Variants in ZYG11B observed in about 807,000 individuals in gnomAD.
ZYG11B encodes zyg-11 family member B, cell cycle regulator.
A neutral mutation model predicts 82.4 loss-of-function variants in ZYG11B; 36 were observed. That is an observed-to-expected ratio of 0.44 (90% CI 0.33 to 0.58). The LOEUF is 0.58. Among genes scored for constraint, ZYG11B ranks in the 20% least tolerant of loss-of-function variants. The probability of loss-of-function intolerance (pLI) is 0.02; values close to 1 mark genes in which losing one functional copy is unlikely to be tolerated. For missense variants in ZYG11B, 552 were observed against 895.6 expected (o/e 0.62, Z 4.90); for synonymous variants, 303 against 312.8 (o/e 0.97, Z 0.33).
rs1645287209 is a variant in ZYG11B at position 52,821,877 on chromosome 1, G to A, written c.*248G>A. On this transcript the variant is annotated 3_prime_UTR_variant, in exon 14 of 14. Coordinates refer to ENST00000294353, the MANE Select transcript of ZYG11B (RefSeq NM_024646.3). ...TAGGAAATTTTCCACATCTTTCAGT[G>A]TTTGAACTTACTTGTGCTTGAGATT... The A allele has an allele frequency of 2.8e-6, 1 of 354,514 alleles. No homozygotes were observed. The highest frequency in any genetic ancestry group is 5.1e-6 in the Non-Finnish European group (1 of 197,856). 22.0% of individuals were successfully genotyped at this position (354,514 alleles called of 1,614,324 possible). A position where few individuals can be genotyped will look rare whatever the true frequency, so the allele number is the denominator to read the frequency against.
At chr1:52,744,562 G>T (rs185562956) in intron 1 of ZYG11B, among the ~76,000 whole-genome samples, 1 of 152,310 alleles carries the variant, frequency 6.6e-6, no homozygotes, top group Admixed American at 6.5e-5. Context: ...CTAGAGAAGG[G>T]CTGGGTACGC....
At chr1:52,817,958 C>T (rs1271712284) in intron 13 of ZYG11B, among the ~76,000 whole-genome samples, 1 of 147,528 alleles carries the variant, frequency 6.8e-6, no homozygotes, top group Non-Finnish European at 1.5e-5. Flanking sequence ...TTGCCTCAAC[C>T]TCCAGAGTAG....
intron 3 of ZYG11B, among the ~76,000 whole-genome samples, chr1:52,776,854 C>T (rs1644814961): frequency 6.6e-6 from 1 of 151,820 alleles, no homozygotes; most frequent in Non-Finnish European, 1.5e-5. Flanking sequence ...AATATGTAGT[C>T]CAAACCAGTT....
chr1:52,825,455 G>A lies in ZYG11B; in HGVS notation c.*3826G>A, dbSNP rs1432135069. 6.6e-6 allele frequency: 1 copy of A among 152,050 alleles called. No individual in the cohort carries two copies. The highest frequency in any genetic ancestry group is 1.5e-5 in the Non-Finnish European group (1 of 68,012). The allele number at this position is 152,050 out of a possible 1,614,324, so 9.4% of individuals were successfully genotyped here. On this transcript the variant is annotated 3_prime_UTR_variant, in exon 14 of 14. Coordinates refer to ENST00000294353, the MANE Select transcript of ZYG11B (RefSeq NM_024646.3). ...CTTATAGTGGCACTAGTCACCTTAA[G>A]TAGATTACACATGGTTGAGGTGAAT...
intron 3 of ZYG11B, among the ~76,000 whole-genome samples, chr1:52,778,250 G>A (rs568447893): frequency 1.5e-4 from 23 of 151,970 alleles, no homozygotes; most frequent in South Asian, 1.0e-3. Context: ...ATAATCTATC[G>A]TTTGGATTTG....
At chr1:52,802,228 A>G in intron 10 of ZYG11B, 89 bp downstream of exon 10, 1 of 1,277,636 alleles carries the variant, frequency 7.8e-7, no homozygotes. Context: ...CTGCAGTGGC[A>G]GTATCATAGC....
rs1171151695 is a variant in ZYG11B at position 52,802,098 on chromosome 1, C to T, written c.1654C>T (p.Pro552Ser). ...ELFMRVLESF[P>S]TESSIQQKVL... ...TTTCTTTTTCTTTTTACAGTCTTTC[C>T]CAACTGAGTCATCCATTCAGCAGAA... Residue 552 changes from proline to serine, a missense_variant, in exon 10 of 14, where the codon CCA becomes TCA. Around this residue, in one of 3 missense-constraint regions of ZYG11B, gnomAD observed 66 missense variants for 176.4 expected, o/e 0.37. Transcript: ENST00000294353. The T allele has an allele frequency of 9.3e-6, 15 of 1,609,736 alleles. No individual in the cohort carries two copies. Among genetic ancestry groups the T allele is most frequent in the Non-Finnish European group, 1.3e-5 (15 of 1,178,856 alleles).
At position 52,803,123 on chromosome 1, in the gene ZYG11B, CATATATATAT is replaced by C. The variant is rs1313356218; in HGVS notation, c.1695+986_1695+995del. On this transcript the variant is annotated intron_variant, in intron 10 of 13. Coordinates refer to ENST00000294353, the MANE Select transcript of ZYG11B (RefSeq NM_024646.3). ...ACATATATATATATATATATACACA[CATATATATAT>C]ACACACATATATATATATATACACA... 9.6e-3 allele frequency among the ~76,000 whole-genome samples: 517 copies of C among 53,606 alleles called. 26 individuals carry two copies. The highest frequency in any genetic ancestry group is 0.07 in the African/African-American group (482 of 6,858). The allele number at this position is 53,606 out of a possible 152,430, so 35.2% of individuals were successfully genotyped here.
chr1:52,753,958 T>C (rs554351732), intron 1 of ZYG11B, among the ~76,000 whole-genome samples: 33 of 152,034 alleles, frequency 2.2e-4, no homozygotes, highest in Admixed American at 9.2e-4. Context: ...CTCGAACTCC[T>C]GACCTTAGGT....
intron 1 of ZYG11B, among the ~76,000 whole-genome samples, chr1:52,738,985 C>CTTTTTTTTTT (rs10643364): frequency 0.27 from 27,943 of 103,584 alleles, 5,012 homozygotes; most frequent in East Asian, 0.35. Flanking sequence ...GCCCTGTAAC[C>CTTTTTTTTTT]TTTTTTTTTT....
chr1:52,774,619 T>TTTC (rs1553260140), intron 3 of ZYG11B, among the ~76,000 whole-genome samples: 52 of 76,134 alleles, frequency 6.8e-4, no homozygotes, highest in African/African-American at 1.6e-3. Flanking sequence ...ATTTTTTTTT[T>TTTC]TTTTTTTTTT....
At chr1:52,814,930 G>A (rs11206025) in intron 12 of ZYG11B, among the ~76,000 whole-genome samples, 5,653 of 152,240 alleles carry the variant, frequency 0.037, 326 homozygotes, top group African/African-American at 0.13. Flanking sequence ...GGCTGAGGTG[G>A]GTGGATCACT....
In ZYG11B at chr1:52,826,586, T is replaced by G. The variant is rs1183337967; in HGVS notation, c.*4957T>G. On this transcript the variant is annotated 3_prime_UTR_variant, in exon 14 of 14. Transcript: ENST00000294353. ...CAAATCTTAATCTAAGATACTTTGT[T>G]AACTGACTGGTAGCCTAAGAAAGAG... 6.6e-6 allele frequency: 1 copy of G among 152,218 alleles called. No individual in the cohort carries two copies. The highest frequency in any genetic ancestry group is 2.4e-5 in the African/African-American group (1 of 41,456). 9.4% of individuals were successfully genotyped at this position (152,218 alleles called of 1,614,324 possible).
At chr1:52,768,010 C>T (rs146470152) in intron 2 of ZYG11B, among the ~76,000 whole-genome samples, 58 of 152,284 alleles carry the variant, frequency 3.8e-4, no homozygotes, top group South Asian at 1.5e-3. Context: ...TTCTCTAACA[C>T]CTCCCCTGTG....
chr1:52,734,605 G>A (rs1430725715), intron 1 of ZYG11B, among the ~76,000 whole-genome samples: 6 of 150,806 alleles, frequency 4.0e-5, no homozygotes, highest in Non-Finnish European at 8.8e-5. Context: ...AGCCGAGATC[G>A]CGCCATTGCA....
At chr1:52,782,007 C>G (rs1171130013) in intron 4 of ZYG11B, among the ~76,000 whole-genome samples, 1 of 151,684 alleles carries the variant, frequency 6.6e-6, no homozygotes, top group Non-Finnish European at 1.5e-5. Flanking sequence ...AATATTCATT[C>G]AGACATTCAG....
At chr1:52,752,707 T>TG (rs1644536544) in intron 1 of ZYG11B, among the ~76,000 whole-genome samples, 4 of 147,262 alleles carry the variant, frequency 2.7e-5, no homozygotes, top group Non-Finnish European at 4.4e-5. Context: ...ACTGTAGTGC[T>TG]ATGCTAATTC....
chr1:52,788,427 T>G (rs943018299), intron 5 of ZYG11B, among the ~76,000 whole-genome samples: 1 of 152,202 alleles, frequency 6.6e-6, no homozygotes. Flanking sequence ...CAGTTAAGCT[T>G]AGCAGCTCTT....
intron 3 of ZYG11B, among the ~76,000 whole-genome samples, chr1:52,773,640 T>A (rs1301829068): frequency 9.4e-5 from 6 of 63,972 alleles, no homozygotes; most frequent in South Asian, 7.0e-4. Context: ...TTTTTTTTTT[T>A]TTTTTTTTTT....
Sources: allele counts gnomAD v4.1 joint callset (sites outside exome capture counted in the v4.1 genomes callset), GRCh38; gene constraint gnomAD v4.1.1; regional missense constraint gnomAD v4.1.1; transcripts MANE v1.5; gene names NCBI Gene and HGNC (gene_info 2026-07-23, HGNC 2026-07-21).